RCL1: variants seen among roughly 807,000 people sequenced by gnomAD.
RCL1 encodes RNA terminal phosphate cyclase like 1, also known as RNA 3'-terminal phosphate cyclase-like protein.
RCL1 carries 24 observed loss-of-function variants against 42.4 expected under a neutral mutation model. The observed-to-expected ratio is 0.57, with a 90% CI of 0.41 to 0.80. The LOEUF is 0.80. Among genes scored for constraint, RCL1 ranks in the 30% least tolerant of loss-of-function variants. The pLI is 0.00. For synonymous variants in RCL1, 228 were observed against 177.3 expected (o/e 1.29, Z -2.27); for missense variants, 578 against 467.9 (o/e 1.24, Z -2.17).
At chr9:4,794,943 A>G (rs757446669) in intron 1 of RCL1, among the ~76,000 whole-genome samples, 4 of 152,182 alleles carry the variant, frequency 2.6e-5, no homozygotes, top group Non-Finnish European at 4.4e-5. Flanking sequence ...CTGGTATTTT[A>G]TGGGGAACAT....
intron 1 of RCL1, among the ~76,000 whole-genome samples, chr9:4,797,135 C>G (rs938475844): frequency 1.3e-5 from 2 of 152,184 alleles, no homozygotes; most frequent in African/African-American, 4.8e-5. Context: ...ATTATTTTAA[C>G]TATTCTCTTC....
At chr9:4,795,586 A>C (rs115127493) in intron 1 of RCL1, among the ~76,000 whole-genome samples, 1 of 152,122 alleles carries the variant, frequency 6.6e-6, no homozygotes, top group Non-Finnish European at 1.5e-5. Context: ...CCGGAAGCCT[A>C]TGTTGCCCGT....
chr9:4,833,645 A>G (rs1817024420), intron 4 of RCL1, among the ~76,000 whole-genome samples: 1 of 152,358 alleles, frequency 6.6e-6, no homozygotes, highest in East Asian at 1.9e-4. Flanking sequence ...TATTTCCAAA[A>G]TCTAGTAGAA....
chr9:4,806,056 G>T (rs1340174081), intron 1 of RCL1, among the ~76,000 whole-genome samples: 1 of 148,942 alleles, frequency 6.7e-6, no homozygotes, highest in Non-Finnish European at 1.5e-5. Flanking sequence ...TTGTGTGTGT[G>T]TGTGTGTTTG....
intron 1 of RCL1, among the ~76,000 whole-genome samples, chr9:4,806,046 T>TGTGTGTGTGTGTG (rs1587696264): frequency 4.2e-5 from 3 of 71,266 alleles, no homozygotes; most frequent in South Asian, 4.3e-4. Flanking sequence ...GTGTGTGTGT[T>TGTGTGTGTGTGTG]TGTGTGTGTG....
chr9:4,812,402 A>G (rs923680984), intron 1 of RCL1, among the ~76,000 whole-genome samples: 2 of 151,836 alleles, frequency 1.3e-5, no homozygotes, highest in South Asian at 2.1e-4. Flanking sequence ...GCATATGGCT[A>G]TAGTTTTCCC....
At chr9:4,847,721 G>T (rs932093457) in intron 7 of RCL1, among the ~76,000 whole-genome samples, 1 of 152,156 alleles carries the variant, frequency 6.6e-6, no homozygotes. Flanking sequence ...CAGAATTCTC[G>T]ACCCATTTCG....
At chr9:4,854,660 C>G (rs1817871989) in intron 8 of RCL1, among the ~76,000 whole-genome samples, 1 of 152,182 alleles carries the variant, frequency 6.6e-6, no homozygotes, top group African/African-American at 2.4e-5. Context: ...ATCTGGCAGC[C>G]TGTCAAATCC....
In RCL1 at chr9:4,823,633, A is replaced by G; in HGVS notation, c.208+14A>G. On this transcript the variant is annotated intron_variant, in intron 2 of 8. Coordinates refer to ENST00000381750, the MANE Select transcript of RCL1 (RefSeq NM_005772.5). ...TAAACCAAACAGGTAAGCTCCTTTT[A>G]GATTCCTAAAAGCACCTCCATGCAC... 6.3e-7 allele frequency: 1 copy of G among 1,595,032 alleles called. No individual in the cohort carries two copies. The highest frequency in any genetic ancestry group is 1.1e-5 in the South Asian group (1 of 89,356).
intron 5 of RCL1, among the ~76,000 whole-genome samples, chr9:4,834,471 CTTTTTT>C (rs5896097): frequency 7.8e-6 from 1 of 128,432 alleles, no homozygotes; most frequent in African/African-American, 2.9e-5. Flanking sequence ...TTGAGTCATT[CTTTTTT>C]TTTTTTTTTT....
At chr9:4,826,754 G>T (rs1816776588) in intron 2 of RCL1, 104 bp from the exon 3 acceptor site, 1 of 993,772 alleles carries the variant, frequency 1.0e-6, no homozygotes, top group South Asian at 1.6e-5. Context: ...AGCACTCTTG[G>T]ATGCCCTTGT....
rs529049706 is a variant in RCL1 at position 4,816,319 on chromosome 9, C to T, written c.137-7229C>T. ...CAGTGTAGTCTTTTGATAAACAATA[C>T]TTCATAGTTTTAATATCCAATTTAT... On this transcript the variant is annotated intron_variant, in intron 1 of 8. Coordinates refer to ENST00000381750, the MANE Select transcript of RCL1 (RefSeq NM_005772.5). Among the ~76,000 whole-genome samples the T allele has an allele frequency of 3.3e-5, 5 of 152,274 alleles. No homozygotes were observed. In the East Asian group the frequency reaches 5.8e-4, roughly 18 times the overall value.
chr9:4,855,294 A>G (rs1817911316), intron 8 of RCL1, among the ~76,000 whole-genome samples: 1 of 151,302 alleles, frequency 6.6e-6, no homozygotes, highest in African/African-American at 2.5e-5. Flanking sequence ...GTTCTTCTGA[A>G]AAGCTGCTAT....
At chr9:4,813,972 G>A (rs565219713) in intron 1 of RCL1, among the ~76,000 whole-genome samples, 2 of 152,176 alleles carry the variant, frequency 1.3e-5, no homozygotes, top group South Asian at 4.2e-4. Context: ...CTCACTCATA[G>A]GTGGGAATTG....
chr9:4,856,463 T>C (rs1817966203), intron 8 of RCL1, among the ~76,000 whole-genome samples: 1 of 152,258 alleles, frequency 6.6e-6, no homozygotes, highest in South Asian at 2.1e-4. Context: ...GGCTAAATTC[T>C]ATTCAGTGCC....
chr9:4,858,843 C>G (rs1818054818), intron 8 of RCL1, among the ~76,000 whole-genome samples: 1 of 152,166 alleles, frequency 6.6e-6, no homozygotes, highest in Non-Finnish European at 1.5e-5. Context: ...TATAGATGTG[C>G]AAGCCATCAT....
intron 1 of RCL1, chr9:4,803,665 A>G (rs1264609527): frequency 6.6e-6 from 1 of 152,158 alleles, no homozygotes; most frequent in Non-Finnish European, 1.5e-5. Flanking sequence ...TCAGCACTTG[A>G]CCATGATTGT....
intron 1 of RCL1, among the ~76,000 whole-genome samples, chr9:4,807,196 T>C (rs1373482561): frequency 2.0e-5 from 3 of 152,228 alleles, no homozygotes; most frequent in Admixed American, 6.5e-5. Context: ...GTCAATTTTA[T>C]TGATCTCTTT....
At chr9:4,833,431 A>G (rs1244202339) in intron 4 of RCL1, among the ~76,000 whole-genome samples, 1 of 152,198 alleles carries the variant, frequency 6.6e-6, no homozygotes, top group Non-Finnish European at 1.5e-5. Context: ...GCTGACAGTG[A>G]TGTTGCACTT....
Sources: allele counts gnomAD v4.1 joint callset (sites outside exome capture counted in the v4.1 genomes callset), GRCh38; gene constraint gnomAD v4.1.1; transcripts MANE v1.5; gene names NCBI Gene and HGNC (gene_info 2026-07-23, HGNC 2026-07-21).